ACOX3: variants seen among roughly 807,000 people sequenced by gnomAD.
ACOX3 encodes the protein acyl-CoA oxidase 3, pristanoyl, also known as peroxisomal acyl-coenzyme A oxidase 3.
A neutral mutation model predicts 81.5 loss-of-function variants in ACOX3; 73 were observed. That is an observed-to-expected ratio of 0.90 (90% CI 0.74 to 1.09). ACOX3 has a LOEUF of 1.09. Among genes scored for constraint, ACOX3 ranks in the 50% least tolerant of loss-of-function variants. The pLI is 0.00. For synonymous variants in ACOX3, 387 were observed against 375.1 expected, an observed-to-expected ratio of 1.03 and a Z score of -0.37; for missense variants, 947 against 928.0, an observed-to-expected ratio of 1.02 and a Z score of -0.27.
Position 8,407,017 on chromosome 4 carries a change from G to A in ACOX3, c.688-974C>T, listed in dbSNP as rs1721060754. 6.6e-6 allele frequency among the ~76,000 whole-genome samples: 1 copy of A among 152,246 alleles called. No homozygotes were observed. Among genetic ancestry groups the A allele is most frequent in the South Asian group, 2.1e-4 (1 of 4,826 alleles). On this transcript the variant is annotated intron_variant, in intron 6 of 17. Coordinates refer to ENST00000356406, the MANE Select transcript of ACOX3 (RefSeq NM_003501.3). The surrounding 1 kb of genome is among the most constrained non-coding windows in gnomAD (Gnocchi z 4.6). Reference sequence around the variant, plus strand: ...TGCTAAGTAGCAGGTGTTTTTCCTTGACACTTATGCTACCGCTAGACCACG... The same window carrying A: ...TGCTAAGTAGCAGGTGTTTTTCCTTAACACTTATGCTACCGCTAGACCACG...
chr4:8,358,919 A>G, the ACOX3 span, among the ~76,000 whole-genome samples: 1 of 151,936 alleles, frequency 6.6e-6, no homozygotes, highest in East Asian at 1.9e-4. Context: ...ATTTGCTTTC[A>G]CTTCATGAAC....
intron 16 of ACOX3, among the ~76,000 whole-genome samples, chr4:8,371,361 T>C (rs747580): frequency 0.67 from 102,597 of 152,052 alleles, 35,831 homozygotes; most frequent in African/African-American, 0.85. Context: ...GAAAATATGT[T>C]CAGAAAACAT....
chr4:8,420,646 C>T (rs112774841), intron 1 of ACOX3, among the ~76,000 whole-genome samples: 1 of 152,218 alleles, frequency 6.6e-6, no homozygotes, highest in African/African-American at 2.4e-5. Context: ...GGGTACCCCC[C>T]CGTTGAATGG....
rs572320724 is a variant in ACOX3, at chr4:8,418,784, G to A, written c.-14-2249C>T. Among the ~76,000 whole-genome samples, 12 of 152,234 alleles carry A rather than the reference G, an allele frequency of 7.9e-5. No individual in the cohort carries two copies. The South Asian group carries it at 8.3e-4, about 11-fold the overall frequency. ...CTGAGGCAGGAGAATCGGTTGAACC[G>A]GGAGGCAGAGGCTGCAGTGAGCTGA... On this transcript the variant is annotated intron_variant, in intron 1 of 17. Transcript: ENST00000356406.
chr4:8,378,718 A>G (rs1483146685), intron 14 of ACOX3, among the ~76,000 whole-genome samples: 1 of 152,238 alleles, frequency 6.6e-6, no homozygotes, highest in Non-Finnish European at 1.5e-5. Context: ...AAAAAATGAG[A>G]GAAATGCATT....
At chr4:8,427,671 TG>T (rs1194389272) in intron 1 of ACOX3, among the ~76,000 whole-genome samples, 1 of 152,198 alleles carries the variant, frequency 6.6e-6, no homozygotes, top group Non-Finnish European at 1.5e-5. Flanking sequence ...TTCCATTCCT[TG>T]GAATCCATGA....
At chr4:8,392,159 G>A (rs2082042568) in intron 11 of ACOX3, among the ~76,000 whole-genome samples, 174 bp downstream of exon 11, 1 of 152,236 alleles carries the variant, frequency 6.6e-6, no homozygotes. Context: ...GAAAACAGCT[G>A]CAGGAAATGT....
rs1718729100 is a variant in ACOX3 at position 8,389,660 on chromosome 4, G to T, written c.1375C>A (p.Gln459Lys). 1.9e-6 allele frequency: 3 copies of T among 1,614,094 alleles called. No individual in the cohort carries two copies. The highest frequency in any genetic ancestry group is 2.5e-6 in the Non-Finnish European group (3 of 1,180,012). ...TYEGDNNILL[Q>K]QTSNYLLGLL... ...CCCAGCAAATAGTTGCTTGTCTGCTGCAGCAGGATGTTGTTGTCACCTTCG... is the reference window on the plus strand; with the variant it reads ...CCCAGCAAATAGTTGCTTGTCTGCTTCAGCAGGATGTTGTTGTCACCTTCG... The change falls in exon 12 of 18, where the codon CAG becomes AAG. Residue 459 changes from glutamine (Q) to lysine (K), a missense_variant. Coordinates refer to ENST00000356406, the MANE Select transcript of ACOX3 (RefSeq NM_003501.3). The surrounding 1 kb of genome is among the most constrained non-coding windows in gnomAD (Gnocchi z 5.3).
rs868607056 is a variant in ACOX3 at position 8,434,281 on chromosome 4, C to T, written c.-15+6367G>A. ...CAAGAATTTCTTTTTCGGGGGGCTC[C>T]GCTCTTAAGCCACAAGTCTGCCAGT... On this transcript the variant is annotated intron_variant, in intron 1 of 17. Coordinates refer to ENST00000356406, the MANE Select transcript of ACOX3 (RefSeq NM_003501.3). Among the ~76,000 whole-genome samples, 7 of 152,314 alleles carry T rather than the reference C, an allele frequency of 4.6e-5. No homozygotes were observed. The East Asian group carries it at 5.8e-4, about 13-fold the overall frequency.
At chr4:8,398,448 C>T (rs62286035) in intron 8 of ACOX3, among the ~76,000 whole-genome samples, 4,159 of 152,188 alleles carry the variant, frequency 0.027, 70 homozygotes, top group South Asian at 0.04. Context: ...CATTTAGAGA[C>T]ATTTCTCTCC....
chr4:8,410,119 C>T, intron 6 of ACOX3, 93 bp downstream of exon 6: 1 of 1,473,092 alleles, frequency 6.8e-7, no homozygotes, highest in African/African-American at 1.4e-5. Context: ...AGAAGCATGC[C>T]CCACCCTTGT....
rs575246174 is a variant in ACOX3 at position 8,430,771 on chromosome 4, G to A, written c.-15+9877C>T. 6.6e-5 allele frequency among the ~76,000 whole-genome samples: 10 copies of A among 152,290 alleles called. No individual in the cohort carries two copies. The highest frequency in any genetic ancestry group is 1.3e-4 in the Non-Finnish European group (9 of 68,010). On this transcript the variant is annotated intron_variant, in intron 1 of 17. Coordinates refer to ENST00000356406, the MANE Select transcript of ACOX3 (RefSeq NM_003501.3). The surrounding 1 kb of genome is among the most constrained non-coding windows in gnomAD (Gnocchi z 5.2). The stretch of plus-strand genomic sequence containing the variant: ...CTTGGGAGGCTGAGGCAAGAGAATC[G>A]CCTGAACGCAGGAGGTAGAGGTTGC...
In ACOX3 at chr4:8,416,315, T is replaced by C. The variant is rs1448555343; in HGVS notation, c.144+63A>G. 6 of 1,612,156 alleles carry C rather than the reference T, an allele frequency of 3.7e-6. No individual in the cohort carries two copies. The Admixed American group carries it at 6.7e-5, about 18-fold the overall frequency. The stretch of plus-strand genomic sequence containing the variant: ...GAGCTGTGAGAGCCAGAAATCCCAT[T>C]CTGCTAACGAACTAAGACCCCACTG... On this transcript the variant is annotated intron_variant, in intron 2 of 17. Transcript: ENST00000356406. The surrounding 1 kb of genome is among the most constrained non-coding windows in gnomAD (Gnocchi z 4.2).
At chr4:8,380,561 T>A (rs1436673256) in intron 14 of ACOX3, among the ~76,000 whole-genome samples, 2 of 152,118 alleles carry the variant, frequency 1.3e-5, no homozygotes, top group Non-Finnish European at 2.9e-5. Context: ...GGCAGGTGTG[T>A]CTAGCAGGTT....
intron 14 of ACOX3, among the ~76,000 whole-genome samples, chr4:8,379,281 G>A (rs1717347737): frequency 6.6e-6 from 1 of 152,176 alleles, no homozygotes; most frequent in African/African-American, 2.4e-5. Flanking sequence ...CGTCTCCCCT[G>A]GGCCCCCTTA....
In ACOX3 at chr4:8,394,844, C is replaced by T; in HGVS notation, c.1057-102G>A. ...CAGTGCAGGGAGAGGCCGTCAGGGCCACACACCCACTAGCGCTGAAGGTCT... is the reference window on the plus strand; with the variant it reads ...CAGTGCAGGGAGAGGCCGTCAGGGCTACACACCCACTAGCGCTGAAGGTCT... On this transcript the variant is annotated intron_variant, in intron 9 of 17. Coordinates refer to ENST00000356406, the MANE Select transcript of ACOX3 (RefSeq NM_003501.3). The surrounding 1 kb of genome is among the most constrained non-coding windows in gnomAD (Gnocchi z 5.9). 6.9e-7 allele frequency: 1 copy of T among 1,442,620 alleles called. No homozygotes were observed. The highest frequency in any genetic ancestry group is 1.4e-5 in the South Asian group (1 of 73,670). 89.4% of individuals were successfully genotyped at this position (1,442,620 alleles called of 1,614,324 possible).
intron 6 of ACOX3, among the ~76,000 whole-genome samples, chr4:8,409,763 C>T (rs1721493951): frequency 7.1e-6 from 1 of 141,408 alleles, no homozygotes; most frequent in South Asian, 2.3e-4. Context: ...GCAGGCCTGT[C>T]TGTGCACCGT....
At position 8,386,115 on chromosome 4, in the gene ACOX3, G is replaced by A. The variant is rs969833547; in HGVS notation, c.1537+3058C>T. ...GGGGAAGGGGAGGGAAGAGCAGAGC[G>A]TGATGGGCACATGGAGAAGCTGGCT... On this transcript the variant is annotated intron_variant, in intron 13 of 17. Coordinates refer to ENST00000356406, the MANE Select transcript of ACOX3 (RefSeq NM_003501.3). The surrounding 1 kb of genome is among the most constrained non-coding windows in gnomAD (Gnocchi z 5.2). Among the ~76,000 whole-genome samples, 3 of 152,176 alleles carry A rather than the reference G, an allele frequency of 2.0e-5. No homozygotes were observed. Among genetic ancestry groups the A allele is most frequent in the East Asian group, 3.8e-4 (2 of 5,202 alleles).
chr4:8,356,228 T>C, the ACOX3 span: 275 of 313,162 alleles, frequency 8.8e-4, no homozygotes, highest in African/African-American at 5.5e-3. Flanking sequence ...CCACATCCAA[T>C]AGACAGTGTA....
Sources: gnomAD v4.1 joint callset for allele counts (sites outside exome capture counted in the v4.1 genomes callset) on GRCh38, gnomAD v4.1.1 for gene constraint, Gnocchi (gnomAD v3.1) non-coding constraint, MANE v1.5 for transcripts, NCBI Gene and HGNC (gene_info 2026-07-23, HGNC 2026-07-21) for gene names.